Variants in NOX3 observed in about 807,000 individuals in gnomAD.
The protein encoded by NOX3 is NADPH oxidase catalytic subunit-like 3.
Under a neutral mutation model 76.7 loss-of-function variants are expected in NOX3, and 74 were observed. The observed-to-expected ratio is 0.96, with a 90% CI of 0.80 to 1.17. The LOEUF (loss-of-function observed/expected upper bound fraction) is 1.17. Ranked by LOEUF, NOX3 falls within the 50% of genes most tolerant of loss-of-function variation. NOX3 has a pLI of 0.00. For synonymous variants in NOX3, 263 were observed against 261.1 expected (o/e 1.01, Z -0.07); for missense variants, 695 against 703.3 (o/e 0.99, Z 0.13).
chr6:155,436,383 C>CAA, intron 7 of NOX3, 35 bp downstream of exon 7: 1 of 1,612,626 alleles, frequency 6.2e-7, no homozygotes, highest in Non-Finnish European at 8.5e-7. Flanking sequence ...ACTGTGGTGA[C>CAA]ATTTATTTTT....
Position 155,428,906 on chromosome 6 carries a change from G to A in NOX3, c.1033C>T (p.Gln345Ter). 1 of 1,613,282 alleles carries A rather than the reference G, an allele frequency of 6.2e-7. No homozygotes were observed. Among genetic ancestry groups the A allele is most frequent in the Non-Finnish European group, 8.5e-7 (1 of 1,179,480 alleles). The change falls in exon 9 of 14, where the codon CAG becomes TAG. Residue 345 changes from glutamine to a stop codon, truncating the protein, a stop_gained. Transcript: ENST00000159060. LOFTEE classifies it high-confidence loss of function. ...ATGTGCACGCTGAAAAAGTCCTCCT[G>A]GGGGGCAGAGGTAAGGGTGAAGGGG... ...WHPFTLTSAP[Q>*]EDFFSVHIRA... is the part of the protein sequence containing the mutation.
intron 5 of NOX3, among the ~76,000 whole-genome samples, chr6:155,440,746 T>C (rs1477089523): frequency 6.6e-6 from 1 of 152,082 alleles, no homozygotes; most frequent in Non-Finnish European, 1.5e-5. Flanking sequence ...AAAAGAGCAT[T>C]TTAAGATAAA....
intron 10 of NOX3, among the ~76,000 whole-genome samples, chr6:155,414,623 CTT>C (rs72348061): frequency 0.22 from 24,600 of 113,836 alleles, 2,426 homozygotes; most frequent in African/African-American, 0.3. Context: ...TCTTTTCTTT[CTT>C]TTTTTTTTTT....
Position 155,453,483 on chromosome 6 carries a change from G to C in NOX3, c.261C>G (p.Cys87Trp), listed in dbSNP as rs760204342. ...ISFIRGTSIC[C>W]RGPWRRQLDK... ...CTAATTGCCTCCTCCACGGTCCTCT[G>C]CAGCACTAGAGTAACAAAAAAATAT... Residue 87 changes from cysteine (C) to tryptophan (W), a missense_variant, in exon 4 of 14, where the codon TGC (cysteine) becomes TGG (tryptophan). Cys to Trp is a radical substitution (Grantham distance 215). Transcript: ENST00000159060. The C allele has an allele frequency of 6.2e-7, 1 of 1,612,660 alleles. No individual in the cohort carries two copies. Among genetic ancestry groups the C allele is most frequent in the East Asian group, 2.2e-5 (1 of 44,868 alleles).
At chr6:155,454,766 G>A (rs780352225) in intron 3 of NOX3, 45 bp downstream of exon 3, 1 of 1,120,228 alleles carries the variant, frequency 8.9e-7, no homozygotes, top group South Asian at 1.5e-5. Flanking sequence ...ACTTATATGA[G>A]GAAGTCGTAA....
At chr6:155,401,036 C>T (rs992789742) in intron 12 of NOX3, among the ~76,000 whole-genome samples, 3 of 152,146 alleles carry the variant, frequency 2.0e-5, no homozygotes, top group African/African-American at 7.2e-5. Context: ...TTTGCCAACC[C>T]TTCCCCACCC....
At chr6:155,425,090 T>A (rs780870553) in intron 9 of NOX3, among the ~76,000 whole-genome samples, 12 of 152,232 alleles carry the variant, frequency 7.9e-5, no homozygotes, top group Non-Finnish European at 4.4e-5. Flanking sequence ...CTTGTTCCAC[T>A]TAGGGGCAAT....
chr6:155,447,986 G>A (rs142722674), intron 4 of NOX3, among the ~76,000 whole-genome samples: 4 of 152,172 alleles, frequency 2.6e-5, no homozygotes, highest in Admixed American at 2.0e-4. Context: ...ACAGGGACAA[G>A]GGCTACAGAG....
At chr6:155,421,048 G>C (rs1363000480) in intron 10 of NOX3, among the ~76,000 whole-genome samples, 1 of 152,164 alleles carries the variant, frequency 6.6e-6, no homozygotes, top group Non-Finnish European at 1.5e-5. Context: ...GGTGGAATCA[G>C]GCATGTTCTT....
intron 6 of NOX3, among the ~76,000 whole-genome samples, chr6:155,436,932 T>G (rs1271460169): frequency 1.3e-5 from 2 of 152,224 alleles, no homozygotes; most frequent in African/African-American, 4.8e-5. Flanking sequence ...TTTGGTTCTT[T>G]TGCAGATTTA....
chr6:155,449,202 GT>G (rs1302552426), intron 4 of NOX3, among the ~76,000 whole-genome samples: 1 of 152,088 alleles, frequency 6.6e-6, no homozygotes, highest in African/African-American at 2.4e-5. Flanking sequence ...CCCTTGTTAT[GT>G]TTATTGATGT....
chr6:155,422,558 A>G (rs1047595870), intron 10 of NOX3, 136 bp downstream of exon 10: 77 of 758,274 alleles, frequency 1.0e-4, no homozygotes, highest in Non-Finnish European at 1.3e-5. Flanking sequence ...ATTTTTAAGA[A>G]CATAAGTATA....
chr6:155,402,952 T>A (rs1779253900), intron 12 of NOX3, among the ~76,000 whole-genome samples: 1 of 152,204 alleles, frequency 6.6e-6, no homozygotes, highest in Admixed American at 6.5e-5. Context: ...CAGAACCGTC[T>A]TGTAAGAGTA....
chr6:155,407,051 G>A, intron 12 of NOX3, 79 bp downstream of exon 12: 1 of 1,520,096 alleles, frequency 6.6e-7, no homozygotes, highest in South Asian at 1.1e-5. Context: ...CGGTACTGCA[G>A]ATTAACTTTT....
chr6:155,400,928 T>G (rs938960294), intron 12 of NOX3, among the ~76,000 whole-genome samples: 4 of 152,106 alleles, frequency 2.6e-5, no homozygotes, highest in African/African-American at 9.7e-5. Context: ...TAAAGTTGCT[T>G]ATAGCTATAA....
chr6:155,448,494 G>C (rs140837184), intron 4 of NOX3, among the ~76,000 whole-genome samples: 70 of 152,136 alleles, frequency 4.6e-4, no homozygotes, highest in African/African-American at 1.5e-3. Context: ...CAGGCTAAAA[G>C]GTGCTATAGC....
At chr6:155,431,661 A>T (rs1335212924) in intron 7 of NOX3, among the ~76,000 whole-genome samples, 1 of 152,204 alleles carries the variant, frequency 6.6e-6, no homozygotes, top group East Asian at 1.9e-4. Flanking sequence ...GCTCTGTACA[A>T]CATAAGGTGT....
intron 7 of NOX3, among the ~76,000 whole-genome samples, chr6:155,431,188 C>T (rs1339368679): frequency 1.3e-5 from 2 of 151,872 alleles, no homozygotes; most frequent in African/African-American, 2.4e-5. Context: ...ATCAATGATG[C>T]CTTTATGTAA....
At chr6:155,405,253 T>TACTGGTG (rs1461956854) in intron 12 of NOX3, among the ~76,000 whole-genome samples, 3 of 152,142 alleles carry the variant, frequency 2.0e-5, no homozygotes, top group Non-Finnish European at 4.4e-5. Flanking sequence ...AATGTACTCT[T>TACTGGTG]ACTGGTGCAA....
Sources: allele counts gnomAD v4.1 joint callset (sites outside exome capture counted in the v4.1 genomes callset), GRCh38; gene constraint gnomAD v4.1.1; transcripts MANE v1.5; gene names NCBI Gene and HGNC (gene_info 2026-07-23, HGNC 2026-07-21).